CPQ: variants seen among roughly 807,000 people sequenced by gnomAD.
CPQ encodes Ser-Met dipeptidase.
A neutral mutation model predicts 45.7 loss-of-function variants in CPQ; 37 were observed. That is an observed-to-expected ratio of 0.81 (90% CI 0.62 to 1.07). CPQ has a LOEUF of 1.07. CPQ is among the 50% of genes least tolerant of loss of function. CPQ has a pLI of 0.00. For missense variants in CPQ, 537 were observed against 572.9 expected (o/e 0.94, Z 0.64); for synonymous variants, 186 against 205.8 (o/e 0.90, Z 0.82).
chr8:97,037,983 T>C (rs2084317477), intron 6 of CPQ, among the ~76,000 whole-genome samples: 1 of 152,172 alleles, frequency 6.6e-6, no homozygotes, highest in Non-Finnish European at 1.5e-5. Flanking sequence ...GAGAAAACAG[T>C]TTAAAGTAAA....
chr8:96,696,297 G>C (rs889934157), intron 1 of CPQ, among the ~76,000 whole-genome samples: 80 of 151,804 alleles, frequency 5.3e-4, no homozygotes, highest in African/African-American at 1.7e-3. Flanking sequence ...GTTGTGGGGT[G>C]GGGGGAGTGG....
At chr8:96,854,524 C>T (rs1811815505) in intron 3 of CPQ, among the ~76,000 whole-genome samples, 1 of 32,756 alleles carries the variant, frequency 3.1e-5, no homozygotes, top group Non-Finnish European at 5.0e-5. Context: ...GAGCGAGACT[C>T]CGTCTCAAAA....
intron 2 of CPQ, among the ~76,000 whole-genome samples, chr8:96,795,313 C>T (rs371461496): frequency 3.3e-5 from 5 of 152,090 alleles, no homozygotes; most frequent in Admixed American, 6.5e-5. Flanking sequence ...CCTTTTAAAA[C>T]GATGAGATCT....
Position 97,021,174 on chromosome 8 carries a change from C to G in CPQ, c.962-8229C>G, listed in dbSNP as rs576244881. On this transcript the variant is annotated intron_variant, in intron 5 of 7. Coordinates refer to ENST00000220763, the MANE Select transcript of CPQ (RefSeq NM_016134.4). ...AAAGCATTCCACAAAATCTAGCTTC[C>G]CTTTATGATTAAAACTCTCAGCAAA... 1.7e-4 allele frequency among the ~76,000 whole-genome samples: 26 copies of G among 152,222 alleles called. 1 individual carries two copies. The highest frequency in any genetic ancestry group is 1.5e-3 in the Admixed American group (23 of 15,274).
intron 7 of CPQ, among the ~76,000 whole-genome samples, chr8:97,103,687 G>A (rs2130583636): frequency 1.3e-5 from 2 of 152,286 alleles, no homozygotes; most frequent in Middle Eastern, 3.4e-3. Context: ...ATGATCCCAG[G>A]AAAGATGGAT....
chr8:97,018,814 G>A (rs1343521743), intron 5 of CPQ, among the ~76,000 whole-genome samples: 6 of 152,276 alleles, frequency 3.9e-5, no homozygotes, highest in Non-Finnish European at 7.4e-5. Flanking sequence ...ATATTTAGAG[G>A]AATAATTGAG....
intron 6 of CPQ, among the ~76,000 whole-genome samples, chr8:97,045,488 C>A (rs533945817): frequency 1.3e-5 from 2 of 152,316 alleles, no homozygotes; most frequent in South Asian, 4.1e-4. Context: ...CGACGCACTG[C>A]ACCCACTGTC....
chr8:96,887,258 A>C (rs1812317528), intron 4 of CPQ, among the ~76,000 whole-genome samples: 1 of 152,218 alleles, frequency 6.6e-6, no homozygotes, highest in Non-Finnish European at 1.5e-5. Context: ...CTATTGTAAA[A>C]ATAGTGCGGA....
chr8:96,740,115 G>C (rs909747496), intron 1 of CPQ, among the ~76,000 whole-genome samples: 9 of 151,878 alleles, frequency 5.9e-5, no homozygotes, highest in Non-Finnish European at 1.2e-4. Flanking sequence ...TCTTCCATTT[G>C]TTTGTATCCT....
At chr8:96,999,911 C>T (rs1238236834) in intron 5 of CPQ, among the ~76,000 whole-genome samples, 2 of 151,594 alleles carry the variant, frequency 1.3e-5, no homozygotes, top group Non-Finnish European at 2.9e-5. Context: ...TTATTTTTGA[C>T]TTTTTAATAA....
intron 7 of CPQ, among the ~76,000 whole-genome samples, chr8:97,140,224 C>T (rs1351276431): frequency 6.6e-6 from 1 of 151,820 alleles, no homozygotes; most frequent in African/African-American, 2.4e-5. Context: ...CCTGAATAAG[C>T]CAATAACCAT....
At position 96,803,649 on chromosome 8, in the gene CPQ, A is replaced by T. The variant is rs1776453539; in HGVS notation, c.433+18319A>T. Among the ~76,000 whole-genome samples the T allele has an allele frequency of 2.0e-5, 3 of 151,438 alleles. No homozygotes were observed. The Admixed American group carries it at 2.0e-4, about 10-fold the overall frequency. ...AAAAGGTAGTCATGTCCTCATATGC[A>T]ATGCTCCCAAGTGTCACAGAGTGAT... On this transcript the variant is annotated intron_variant, in intron 2 of 7. Transcript: ENST00000220763.
At chr8:96,759,825 G>A (rs1810375918) in intron 1 of CPQ, among the ~76,000 whole-genome samples, 1 of 152,144 alleles carries the variant, frequency 6.6e-6, no homozygotes, top group African/African-American at 2.4e-5. Flanking sequence ...CTACCACTGA[G>A]TATTTGCATC....
intron 6 of CPQ, among the ~76,000 whole-genome samples, chr8:97,031,694 T>G (rs1047847433): frequency 3.3e-5 from 5 of 152,148 alleles, no homozygotes; most frequent in African/African-American, 1.2e-4. Flanking sequence ...ATACACACAC[T>G]CAAAGGACAT....
intron 2 of CPQ, among the ~76,000 whole-genome samples, chr8:96,812,054 T>G (rs182633062): frequency 3.3e-5 from 5 of 152,320 alleles, no homozygotes; most frequent in Admixed American, 2.6e-4. Flanking sequence ...TACATTCTCA[T>G]GAGGCAATTC....
intron 7 of CPQ, among the ~76,000 whole-genome samples, chr8:97,084,002 C>G (rs983565405): frequency 6.6e-6 from 1 of 152,068 alleles, no homozygotes; most frequent in East Asian, 1.9e-4. Flanking sequence ...TAACCCAAAC[C>G]CCACATTTTT....
intron 2 of CPQ, among the ~76,000 whole-genome samples, chr8:96,819,395 A>G (rs942507489): frequency 6.6e-6 from 1 of 152,090 alleles, no homozygotes; most frequent in Non-Finnish European, 1.5e-5. Context: ...AGTCTTTTTT[A>G]CATTATTAAC....
In CPQ at chr8:96,784,910, A is replaced by G; in HGVS notation, c.13A>G (p.Ile5Val). The G allele has an allele frequency of 2.5e-6, 4 of 1,596,638 alleles. No homozygotes were observed. Among genetic ancestry groups the G allele is most frequent in the Non-Finnish European group, 3.4e-6 (4 of 1,173,012 alleles). The change falls in exon 2 of 8, where the codon ATC becomes GTC. Residue 5 changes from isoleucine (I) to valine (V), a missense_variant. Coordinates refer to ENST00000220763, the MANE Select transcript of CPQ (RefSeq NM_016134.4). MKFL[I>V]FAFFGGVHLL... ...ACTGGAAAAAAAAATGAAATTCCTTATCTTCGCATTTTTCGGTGGTGTTCA... is the reference window on the plus strand; with the variant it reads ...ACTGGAAAAAAAAATGAAATTCCTTGTCTTCGCATTTTTCGGTGGTGTTCA...
chr8:96,670,336 TTG>T (rs1449799214), intron 1 of CPQ, among the ~76,000 whole-genome samples: 6 of 148,694 alleles, frequency 4.0e-5, no homozygotes, highest in African/African-American at 5.2e-5. Flanking sequence ...TTTTTTTTTT[TTG>T]GCTGTACTGC....
Sources: gnomAD v4.1 joint callset for allele counts (sites outside exome capture counted in the v4.1 genomes callset) on GRCh38, gnomAD v4.1.1 for gene constraint, MANE v1.5 for transcripts, NCBI Gene and HGNC (gene_info 2026-07-23, HGNC 2026-07-21) for gene names.